The following RIMS1 variants were observed in gnomAD, a reference collection of about 807,000 sequenced individuals.
RIMS1 encodes regulating synaptic membrane exocytosis protein 1.
In RIMS1, 83 loss-of-function variants were observed where a neutral mutation model predicts 214.1. The ratio of observed to expected loss-of-function variants is 0.39; its 90% CI spans 0.32 to 0.47. The LOEUF (loss-of-function observed/expected upper bound fraction) is 0.47. Ranked by LOEUF, RIMS1 falls within the 20% of genes least tolerant of loss-of-function variation. The pLI, the probability that RIMS1 is intolerant of heterozygous loss-of-function variation, is 0.99. For synonymous variants in RIMS1, 793 were observed against 786.8 expected (o/e 1.01, Z -0.13); for missense variants, 2,050 against 2,161.8 (o/e 0.95, Z 1.03).
intron 4 of RIMS1, among the ~76,000 whole-genome samples, chr6:72,124,128 GTTTAGTGCT>G (rs1294748827): frequency 6.6e-6 from 1 of 151,826 alleles, no homozygotes; most frequent in Non-Finnish European, 1.5e-5. Context: ...TCCTTTCCGT[GTTTAGTGCT>G]TCCTTCAGGA....
chr6:71,902,018 A>G (rs1773784022), intron 1 of RIMS1, among the ~76,000 whole-genome samples: 1 of 152,166 alleles, frequency 6.6e-6, no homozygotes, highest in South Asian at 2.1e-4. Flanking sequence ...AAGAAGCATG[A>G]GAAGATAGCT....
chr6:71,992,227 C>T (rs1178358342), intron 2 of RIMS1, among the ~76,000 whole-genome samples: 5 of 152,014 alleles, frequency 3.3e-5, no homozygotes, highest in African/African-American at 1.2e-4. Flanking sequence ...CAGTGGTACA[C>T]GGGGAGTTTG....
At chr6:72,137,676 G>T (rs2041493345) in intron 4 of RIMS1, among the ~76,000 whole-genome samples, 2 of 143,780 alleles carry the variant, frequency 1.4e-5, no homozygotes, top group Non-Finnish European at 1.5e-5. Flanking sequence ...TTCTTGTTTT[G>T]TTCTTCTGTC....
intron 28 of RIMS1, among the ~76,000 whole-genome samples, chr6:72,325,502 GGGTATAA>G (rs1564068751): frequency 6.6e-6 from 1 of 151,204 alleles, no homozygotes; most frequent in Admixed American, 6.6e-5. Context: ...CAGAGTCACT[GGGTATAA>G]GGTTAACGTA....
At chr6:72,390,217 T>A (rs970669051) in intron 29 of RIMS1, among the ~76,000 whole-genome samples, 2 of 152,232 alleles carry the variant, frequency 1.3e-5, no homozygotes, top group Non-Finnish European at 2.9e-5. Flanking sequence ...TTGGGACTAT[T>A]CATACACATT....
At chr6:72,304,177 T>C (rs1410842019) in intron 26 of RIMS1, among the ~76,000 whole-genome samples, 1 of 151,824 alleles carries the variant, frequency 6.6e-6, no homozygotes, top group East Asian at 1.9e-4. Flanking sequence ...ATTTTAATGA[T>C]TTAGTTAGTT....
intron 4 of RIMS1, among the ~76,000 whole-genome samples, chr6:72,130,232 T>C (rs1279930126): frequency 1.3e-5 from 2 of 152,190 alleles, no homozygotes; most frequent in Non-Finnish European, 2.9e-5. Context: ...AACCTTATTA[T>C]TTAATATGTT....
chr6:72,382,224 T>G (rs919586302), intron 29 of RIMS1, among the ~76,000 whole-genome samples: 4 of 152,162 alleles, frequency 2.6e-5, no homozygotes, highest in Non-Finnish European at 4.4e-5. Flanking sequence ...CTAAAAATAA[T>G]CCTCCAACCT....
rs181979867 is a variant in RIMS1, at chr6:72,330,545, T to C, written c.4131-3055T>C. On this transcript the variant is annotated intron_variant, in intron 28 of 33. Transcript: ENST00000521978. Reference sequence around the variant, plus strand: ...GTGGTGCATAAAGTGCATGCTGTTATGAAATATCAGAATCCCAATATAACC... The same window carrying C: ...GTGGTGCATAAAGTGCATGCTGTTACGAAATATCAGAATCCCAATATAACC... Among the ~76,000 whole-genome samples, 644 of 151,852 alleles carry C rather than the reference T, an allele frequency of 4.2e-3. 6 individuals are homozygous for C. Among genetic ancestry groups the C allele is most frequent in the African/African-American group, 0.015 (628 of 41,484 alleles).
At chr6:72,287,412 T>A (rs147523345) in intron 24 of RIMS1, among the ~76,000 whole-genome samples, 4 of 152,290 alleles carry the variant, frequency 2.6e-5, no homozygotes, top group African/African-American at 9.6e-5. Flanking sequence ...CAAAAATGTC[T>A]GACTAAAGAC....
At chr6:72,146,342 C>A (rs1278417397) in intron 4 of RIMS1, among the ~76,000 whole-genome samples, 1 of 152,132 alleles carries the variant, frequency 6.6e-6, no homozygotes, top group Non-Finnish European at 1.5e-5. Flanking sequence ...CTTTCATTAT[C>A]CTTTTATGTT....
chr6:72,002,757 A>T (rs545085001), intron 2 of RIMS1, among the ~76,000 whole-genome samples: 1 of 152,306 alleles, frequency 6.6e-6, no homozygotes, highest in South Asian at 2.1e-4. Flanking sequence ...AGGATGAGTG[A>T]TGAGTAGATG....
At chr6:71,930,861 G>T (rs1782820631) in intron 1 of RIMS1, among the ~76,000 whole-genome samples, 2 of 151,964 alleles carry the variant, frequency 1.3e-5, no homozygotes, top group African/African-American at 4.8e-5. Context: ...AATCAGAATG[G>T]ATTAAAAGCA....
chr6:72,252,523 T>C (rs2073881128), intron 15 of RIMS1, among the ~76,000 whole-genome samples: 1 of 152,192 alleles, frequency 6.6e-6, no homozygotes, highest in South Asian at 2.1e-4. Context: ...GAAAATCTTA[T>C]TCTGTGAAGT....
At chr6:71,912,858 G>A (rs756915296) in intron 1 of RIMS1, among the ~76,000 whole-genome samples, 17 of 152,172 alleles carry the variant, frequency 1.1e-4, no homozygotes, top group Middle Eastern at 6.8e-3. Context: ...TGGGAAAGAA[G>A]GATTTGATGT....
chr6:72,235,385 A>G (rs1046772409), intron 7 of RIMS1, among the ~76,000 whole-genome samples: 1 of 151,836 alleles, frequency 6.6e-6, no homozygotes, highest in Non-Finnish European at 1.5e-5. Context: ...ATTATCCTCT[A>G]TTTTACTTTG....
intron 12 of RIMS1, among the ~76,000 whole-genome samples, chr6:72,248,554 C>T (rs2071395880): frequency 6.6e-6 from 1 of 152,128 alleles, no homozygotes; most frequent in South Asian, 2.1e-4. Flanking sequence ...CAAAACTCTT[C>T]GTTGCCACTG....
chr6:72,266,196 A>G (rs921661335), intron 22 of RIMS1, 147 bp downstream of exon 22: 1 of 693,162 alleles, frequency 1.4e-6, no homozygotes, highest in Non-Finnish European at 2.6e-6. Context: ...CTTATTATAC[A>G]TGTCTATTTA....
intron 2 of RIMS1, among the ~76,000 whole-genome samples, chr6:72,030,347 G>T (rs933967048): frequency 6.6e-6 from 1 of 152,238 alleles, no homozygotes; most frequent in East Asian, 1.9e-4. Context: ...AGTTAATAAA[G>T]AGACTTTATC....
Sources: allele counts gnomAD v4.1 joint callset (sites outside exome capture counted in the v4.1 genomes callset), GRCh38; gene constraint gnomAD v4.1.1; transcripts MANE v1.5; gene names NCBI Gene and HGNC (gene_info 2026-07-23, HGNC 2026-07-21).